The following UBE4B variants were observed in gnomAD, a reference collection of about 807,000 sequenced individuals.
UBE4B encodes ubiquitination factor E4B.
In UBE4B, 27 loss-of-function variants were observed where a neutral mutation model predicts 148.1. That is an observed-to-expected ratio of 0.18 (90% confidence interval 0.13 to 0.25). The LOEUF is 0.25. Ranked by LOEUF, UBE4B falls within the 10% of genes least tolerant of loss-of-function variation. The probability of loss-of-function intolerance (pLI) is 1.00; values close to 1 mark genes in which losing one functional copy is unlikely to be tolerated. For missense variants in UBE4B, 1,170 were observed against 1,662.4 expected (o/e 0.70, Z 5.15); for synonymous variants, 596 against 619.3 (o/e 0.96, Z 0.56).
intron 1 of UBE4B, among the ~76,000 whole-genome samples, chr1:10,051,119 G>A (rs529402623): frequency 7.2e-5 from 11 of 152,154 alleles, no homozygotes; most frequent in African/African-American, 2.2e-4. Flanking sequence ...TGATTTTCCC[G>A]CCTCAGCCTC....
chr1:10,174,253 G>A (rs1361603199), intron 25 of UBE4B, among the ~76,000 whole-genome samples: 1 of 151,938 alleles, frequency 6.6e-6, no homozygotes, highest in Non-Finnish European at 1.5e-5. Flanking sequence ...AATTAGCCGG[G>A]CACAGTGGAA....
At chr1:10,178,403 C>G (rs1215855320) in intron 25 of UBE4B, among the ~76,000 whole-genome samples, 1 of 152,076 alleles carries the variant, frequency 6.6e-6, no homozygotes, top group Non-Finnish European at 1.5e-5. Flanking sequence ...GGAGTGACCT[C>G]GTACAGTTTG....
At chr1:10,126,502 A>ATGGGTTTTGTTGAATTAC (rs1437533307) in intron 10 of UBE4B, among the ~76,000 whole-genome samples, 2 of 152,290 alleles carry the variant, frequency 1.3e-5, no homozygotes, top group South Asian at 2.1e-4. Flanking sequence ...CTCCAAATGT[A>ATGGGTTTTGTTGAATTAC]TGGGTTTTGT....
rs1645848075 is a variant in UBE4B at position 10,145,141 on chromosome 1, CTT to C, written c.2463+104_2463+105del. On this transcript the variant is annotated intron_variant, in intron 18 of 27. Coordinates refer to ENST00000343090, the MANE Select transcript of UBE4B (RefSeq NM_001105562.3). Reference sequence around the variant, plus strand: ...GAGCAGTTTAGTGTCCTCACTTTTTCTTTGTTATTCTTTTCCCTTCCAATAAA... The same window carrying C: ...GAGCAGTTTAGTGTCCTCACTTTTTCTGTTATTCTTTTCCCTTCCAATAAA... 7 of 790,126 alleles carry C rather than the reference CTT, an allele frequency of 8.9e-6. No homozygotes were observed. The East Asian group carries it at 1.8e-4, about 20-fold the overall frequency. The allele number at this position is 790,126 out of a possible 1,614,324, so 48.9% of individuals were successfully genotyped here. A position where few individuals can be genotyped will look rare whatever the true frequency, so the allele number is the denominator to read the frequency against.
intron 5 of UBE4B, 90 bp from the exon 6 acceptor site, chr1:10,105,426 A>G: frequency 8.9e-7 from 1 of 1,123,426 alleles, no homozygotes; most frequent in Non-Finnish European, 1.3e-6. Context: ...TACTGCATCG[A>G]ACCATTTGGG....
intron 2 of UBE4B, among the ~76,000 whole-genome samples, chr1:10,078,387 G>C (rs1035629671): frequency 2.0e-5 from 3 of 152,166 alleles, no homozygotes; most frequent in Admixed American, 1.3e-4. Flanking sequence ...ATGCAAAGAT[G>C]AGTGAGACTC....
intron 3 of UBE4B, among the ~76,000 whole-genome samples, chr1:10,099,947 G>A (rs1305328652): frequency 6.6e-6 from 1 of 151,686 alleles, no homozygotes; most frequent in Non-Finnish European, 1.5e-5. Context: ...TTTATAATAA[G>A]ACTTCAGTTG....
At chr1:10,107,969 T>C (rs1445678765) in intron 7 of UBE4B, among the ~76,000 whole-genome samples, 1 of 152,194 alleles carries the variant, frequency 6.6e-6, no homozygotes, top group Non-Finnish European at 1.5e-5. Context: ...TAAAGATCAG[T>C]CATCAAGTTT....
intron 4 of UBE4B, among the ~76,000 whole-genome samples, chr1:10,102,347 C>G (rs1479946770): frequency 7.1e-6 from 1 of 140,006 alleles, no homozygotes; most frequent in Non-Finnish European, 1.5e-5. Context: ...TGTACATCCT[C>G]TGTCACATAT....
chr1:10,095,694 G>A, intron 3 of UBE4B, 98 bp downstream of exon 3: 4 of 1,438,298 alleles, frequency 2.8e-6, no homozygotes, highest in South Asian at 1.2e-5. Context: ...ATGCCAGCTA[G>A]AGACCCATGC....
chr1:10,043,004 CTT>C (rs749891240), intron 1 of UBE4B, among the ~76,000 whole-genome samples: 3 of 140,732 alleles, frequency 2.1e-5, no homozygotes, highest in Admixed American at 7.1e-5. Flanking sequence ...GTCATTCATT[CTT>C]TTTTTTTTTT....
At chr1:10,072,002 A>G (rs1485562288) in intron 1 of UBE4B, 26 bp from the exon 2 acceptor site, 1 of 1,549,970 alleles carries the variant, frequency 6.5e-7, no homozygotes, top group African/African-American at 1.4e-5. Flanking sequence ...TTAGTTATAG[A>G]ATGCCCTTTT....
intron 14 of UBE4B, among the ~76,000 whole-genome samples, chr1:10,131,212 C>G (rs574890175): frequency 5.3e-5 from 8 of 152,334 alleles, no homozygotes; most frequent in African/African-American, 1.7e-4. Flanking sequence ...TGTGATGGCT[C>G]ATGCCTGTAA....
intron 22 of UBE4B, among the ~76,000 whole-genome samples, chr1:10,160,128 A>G (rs1000369946): frequency 1.3e-5 from 2 of 152,238 alleles, no homozygotes; most frequent in Non-Finnish European, 2.9e-5. Context: ...AGAGTCTAAC[A>G]GAGGTAGGCC....
chr1:10,076,246 T>C (rs770598489), intron 2 of UBE4B, among the ~76,000 whole-genome samples: 19 of 148,960 alleles, frequency 1.3e-4, no homozygotes, highest in Non-Finnish European at 2.7e-4. Context: ...TTTCTTTCTT[T>C]CTTTTTTTTT....
chr1:10,170,468 T>C (rs765216150), intron 24 of UBE4B, among the ~76,000 whole-genome samples: 14 of 152,244 alleles, frequency 9.2e-5, no homozygotes, highest in Non-Finnish European at 1.5e-4. Flanking sequence ...CTAAGCCACA[T>C]CTTCCTGTTT....
intron 17 of UBE4B, among the ~76,000 whole-genome samples, chr1:10,144,141 C>G (rs1645828694): frequency 1.3e-5 from 2 of 152,090 alleles, no homozygotes; most frequent in Non-Finnish European, 2.9e-5. Flanking sequence ...ACTGCAGAGA[C>G]AGATGGTGTT....
rs952318025 is a variant in UBE4B at position 10,180,098 on chromosome 1, G to A, written c.*142G>A. ...CCAGGCCCACCCAGAGCGAGCAAAC[G>A]CTGAGACCTGAAAGGACATGGATGA... On this transcript the variant is annotated 3_prime_UTR_variant, in exon 28 of 28. Transcript: ENST00000343090. The A allele has an allele frequency of 7.6e-6, 7 of 924,456 alleles. No homozygotes were observed. Among genetic ancestry groups the A allele is most frequent in the African/African-American group, 5.0e-5 (3 of 60,500 alleles). 57.3% of individuals were successfully genotyped at this position (924,456 alleles called of 1,614,324 possible).
chr1:10,072,981 A>T (rs977327765), intron 2 of UBE4B: 3 of 152,982 alleles, frequency 2.0e-5, no homozygotes, highest in African/African-American at 4.8e-5. Flanking sequence ...AATCGTGTCA[A>T]TTAAAAGTAT....
Sources: gnomAD v4.1 joint callset for allele counts (sites outside exome capture counted in the v4.1 genomes callset) on GRCh38, gnomAD v4.1.1 for gene constraint, MANE v1.5 for transcripts, NCBI Gene and HGNC (gene_info 2026-07-23, HGNC 2026-07-21) for gene names.